STAG1: variants seen among roughly 807,000 people sequenced by gnomAD.
STAG1 encodes the protein STAG1 cohesin complex component.
STAG1 carries 26 observed loss-of-function variants against 170.9 expected under a neutral mutation model. That is an observed-to-expected ratio of 0.15 (90% CI 0.11 to 0.21). STAG1 has a LOEUF of 0.21. Ranked by LOEUF, STAG1 falls within the 10% of genes least tolerant of loss-of-function variation. STAG1 has a pLI of 1.00. For missense variants in STAG1, 964 were observed against 1,509.5 expected, an observed-to-expected ratio of 0.64 and a Z score of 5.99; for synonymous variants, 514 against 497.7, an observed-to-expected ratio of 1.03 and a Z score of -0.44.
intron 1 of STAG1, among the ~76,000 whole-genome samples, chr3:136,648,446 C>T (rs78091878): frequency 0.017 from 2,612 of 152,278 alleles, 80 homozygotes; most frequent in African/African-American, 0.06. Flanking sequence ...TATTTCACAT[C>T]CTAATTTTAC....
At chr3:136,346,393 T>G (rs1259554713) in intron 29 of STAG1, among the ~76,000 whole-genome samples, 2 of 152,250 alleles carry the variant, frequency 1.3e-5, no homozygotes, top group Non-Finnish European at 2.9e-5. Context: ...CTTTCTCATT[T>G]TCATCTCTGA....
At chr3:136,523,247 T>A (rs1233313840) in intron 6 of STAG1, among the ~76,000 whole-genome samples, 1 of 152,224 alleles carries the variant, frequency 6.6e-6, no homozygotes, top group Admixed American at 6.5e-5. Context: ...CCCGGCTTTT[T>A]AATGATTGCC....
chr3:136,515,258 G>A (rs905273723), intron 7 of STAG1, among the ~76,000 whole-genome samples: 15 of 152,122 alleles, frequency 9.9e-5, no homozygotes, highest in East Asian at 5.8e-4. Flanking sequence ...CCAGCTACTC[G>A]GGAGGCTGAG....
At position 136,408,405 on chromosome 3, in the gene STAG1, G is replaced by A. The variant is rs1443021223; in HGVS notation, c.2196+9480C>T. ...TAACAGAACCTAGAATGGAGAGAGG[G>A]TGAAACTGAAGTTACTAAAACAGAA... is the stretch of plus-strand genomic sequence containing the variant. On this transcript the variant is annotated intron_variant, in intron 21 of 33. Transcript: ENST00000383202. Among the ~76,000 whole-genome samples, 6 of 152,184 alleles carry A rather than the reference G, an allele frequency of 3.9e-5. No individual in the cohort carries two copies. In the East Asian group the frequency reaches 9.7e-4, roughly 25 times the overall value.
chr3:136,573,718 A>C (rs1388076677), intron 4 of STAG1, among the ~76,000 whole-genome samples: 1 of 152,110 alleles, frequency 6.6e-6, no homozygotes, highest in Non-Finnish European at 1.5e-5. Context: ...CATGTCTGTA[A>C]TCCCAGCACT....
chr3:136,603,713 T>C (rs1938798711), intron 4 of STAG1, among the ~76,000 whole-genome samples: 1 of 151,896 alleles, frequency 6.6e-6, no homozygotes, highest in Non-Finnish European at 1.5e-5. Context: ...TGAAACCCCA[T>C]CTCTACTAAA....
At chr3:136,523,547 C>T (rs1018596546) in intron 6 of STAG1, among the ~76,000 whole-genome samples, 1 of 152,178 alleles carries the variant, frequency 6.6e-6, no homozygotes, top group African/African-American at 2.4e-5. Flanking sequence ...TGTAGGTTAC[C>T]TGTTCACTCT....
chr3:136,501,711 T>A (rs1229273530), intron 8 of STAG1, among the ~76,000 whole-genome samples: 1 of 152,238 alleles, frequency 6.6e-6, no homozygotes, highest in East Asian at 1.9e-4. Flanking sequence ...TAATACAGTA[T>A]GGCTAATAAT....
intron 1 of STAG1, among the ~76,000 whole-genome samples, chr3:136,659,665 A>G (rs1156336113): frequency 6.6e-6 from 1 of 152,240 alleles, no homozygotes; most frequent in African/African-American, 2.4e-5. Context: ...AAATGCTATC[A>G]TGGTTTGTAA....
At chr3:136,585,332 C>T (rs1039140469) in intron 4 of STAG1, among the ~76,000 whole-genome samples, 3 of 152,134 alleles carry the variant, frequency 2.0e-5, no homozygotes, top group African/African-American at 7.2e-5. Flanking sequence ...ATCTCAGCTA[C>T]TGGGGAGGCT....
chr3:136,740,387 G>A (rs1934602734), intron 1 of STAG1, among the ~76,000 whole-genome samples: 1 of 152,212 alleles, frequency 6.6e-6, no homozygotes, highest in South Asian at 2.1e-4. Context: ...TTCCTCACCA[G>A]TAAAAGGGGG....
In STAG1 at chr3:136,359,288, A is replaced by G. The variant is rs1384405699; in HGVS notation, c.2796T>C (p.Asn932=). The change falls in exon 27 of 34, where the codon AAT becomes AAC. Residue 932 remains asparagine, a synonymous_variant. Transcript: ENST00000383202. ...TGGGACCTTGCTCTTGAACAAGTTCATTAAATAACTGATAGAAAGAAAAAA... is the reference window on the plus strand; with the variant it reads ...TGGGACCTTGCTCTTGAACAAGTTCGTTAAATAACTGATAGAAAGAAAAAA... ...TLILSLQQLF[N]ELVQEQGPNL... is the part of the protein sequence containing the mutation. 1.9e-6 allele frequency: 3 copies of G among 1,569,410 alleles called. No individual in the cohort carries two copies. The highest frequency in any genetic ancestry group is 2.6e-6 in the Non-Finnish European group (3 of 1,157,866).
intron 16 of STAG1, among the ~76,000 whole-genome samples, chr3:136,429,604 C>T (rs148735525): frequency 1.3e-3 from 195 of 152,212 alleles, no homozygotes; most frequent in African/African-American, 4.4e-3. Context: ...CCTTGTATTA[C>T]GTGGGCACTG....
At chr3:136,356,502 T>TCC (rs1936660150) in intron 28 of STAG1, among the ~76,000 whole-genome samples, 1 of 152,040 alleles carries the variant, frequency 6.6e-6, no homozygotes, top group Non-Finnish European at 1.5e-5. Flanking sequence ...GACCTCAGCC[T>TCC]CCCAAGTAGC....
chr3:136,585,727 C>T (rs1937783419), intron 4 of STAG1, among the ~76,000 whole-genome samples: 1 of 152,184 alleles, frequency 6.6e-6, no homozygotes. Context: ...AAATCCTGTA[C>T]TGAGATCAAA....
chr3:136,655,120 GAAAAAC>G (rs1181973790), intron 1 of STAG1, among the ~76,000 whole-genome samples: 3 of 152,122 alleles, frequency 2.0e-5, no homozygotes, highest in Non-Finnish European at 4.4e-5. Context: ...GACAACAAAA[GAAAAAC>G]AGGCAAACTG....
At chr3:136,692,607 C>T (rs1942763342) in intron 1 of STAG1, among the ~76,000 whole-genome samples, 1 of 152,070 alleles carries the variant, frequency 6.6e-6, no homozygotes, top group East Asian at 1.9e-4. Flanking sequence ...TGCACTCTAG[C>T]CTGGGGAACA....
chr3:136,747,777 A>ATT (rs755574502), intron 1 of STAG1, among the ~76,000 whole-genome samples: 37 of 143,738 alleles, frequency 2.6e-4, no homozygotes, highest in African/African-American at 6.3e-4. Context: ...GAATTACGTA[A>ATT]TTTTTTTTTT....
In STAG1 at chr3:136,560,615, T is replaced by C. The variant is rs74605635; in HGVS notation, c.394+8150A>G. ...ACTGAATATATCTATTACTACTACA[T>C]ATTGAGTTAGCCAATTCTGAGGTTT... On this transcript the variant is annotated intron_variant, in intron 5 of 33. Coordinates refer to ENST00000383202, the MANE Select transcript of STAG1 (RefSeq NM_005862.3). 8.5e-5 allele frequency among the ~76,000 whole-genome samples: 13 copies of C among 152,334 alleles called. No homozygotes were observed. In the East Asian group the frequency reaches 2.5e-3, roughly 29 times the overall value.
Sources: gnomAD v4.1 joint callset for allele counts (sites outside exome capture counted in the v4.1 genomes callset) on GRCh38, gnomAD v4.1.1 for gene constraint, MANE v1.5 for transcripts, NCBI Gene and HGNC (gene_info 2026-07-23, HGNC 2026-07-21) for gene names.